The following ZFYVE1 variants were observed in gnomAD, a reference collection of about 807,000 sequenced individuals.
ZFYVE1 encodes zinc finger FYVE-type containing 1.
ZFYVE1 carries 30 observed loss-of-function variants against 74.4 expected under a neutral mutation model. The ratio of observed to expected loss-of-function variants is 0.40; its 90% CI spans 0.30 to 0.55. The LOEUF is 0.55. ZFYVE1 is among the 20% of genes least tolerant of loss of function. The pLI is 0.42. For missense variants in ZFYVE1, 703 were observed against 1,011.6 expected, an observed-to-expected ratio of 0.69 and a Z score of 4.14; for synonymous variants, 335 against 385.1, an observed-to-expected ratio of 0.87 and a Z score of 1.52.
At chr14:73,002,263 A>AGAGGAAGGAGGG (rs1893888898) in intron 2 of ZFYVE1, among the ~76,000 whole-genome samples, 1 of 126,374 alleles carries the variant, frequency 7.9e-6, no homozygotes, top group Non-Finnish European at 1.8e-5. Flanking sequence ...TTGCTAGAGG[A>AGAGGAAGGAGGG]AGGAGGGAGG....
intron 4 of ZFYVE1, 105 bp downstream of exon 4, chr14:72,993,038 C>G (rs1344663170): frequency 8.7e-7 from 1 of 1,151,316 alleles, no homozygotes; most frequent in Non-Finnish European, 1.2e-6. Context: ...TAACCTCTTT[C>G]CACCCAGATT....
chr14:73,014,589 C>A (rs1286556420), intron 2 of ZFYVE1, among the ~76,000 whole-genome samples: 1 of 152,194 alleles, frequency 6.6e-6, no homozygotes, highest in Admixed American at 6.5e-5. Context: ...TAGATATATT[C>A]ATATTCTGAC....
At chr14:73,007,030 A>C in intron 2 of ZFYVE1, among the ~76,000 whole-genome samples, 1 of 151,954 alleles carries the variant, frequency 6.6e-6, no homozygotes, top group East Asian at 1.9e-4. Flanking sequence ...AGAATTCAGA[A>C]TAGTTCATGG....
At chr14:72,982,465 T>C (rs1039968343) in intron 4 of ZFYVE1, among the ~76,000 whole-genome samples, 2 of 151,108 alleles carry the variant, frequency 1.3e-5, no homozygotes, top group Non-Finnish European at 2.9e-5. Flanking sequence ...AAAACAGACA[T>C]TACCCAAAGG....
chr14:72,986,656 G>A (rs186388605), intron 4 of ZFYVE1, among the ~76,000 whole-genome samples: 203 of 150,610 alleles, frequency 1.3e-3, no homozygotes, highest in Admixed American at 0.012. Flanking sequence ...CGCCTCCCAA[G>A]TAGCTGGGAC....
At chr14:73,016,801 G>T (rs1894212213) in intron 2 of ZFYVE1, among the ~76,000 whole-genome samples, 1 of 150,526 alleles carries the variant, frequency 6.6e-6, no homozygotes, top group Admixed American at 6.6e-5. Flanking sequence ...TTGAACCCAG[G>T]AGTCAGAGGC....
chr14:73,014,952 G>A (rs1894159006), intron 2 of ZFYVE1, among the ~76,000 whole-genome samples: 2 of 152,204 alleles, frequency 1.3e-5, no homozygotes, highest in Admixed American at 6.6e-5. Flanking sequence ...TTCCCATACA[G>A]GGCCGGGTGC....
chr14:72,994,525 A>G (rs1893700538), intron 3 of ZFYVE1, among the ~76,000 whole-genome samples: 1 of 152,068 alleles, frequency 6.6e-6, no homozygotes, highest in Non-Finnish European at 1.5e-5. Flanking sequence ...GTGAAAACTC[A>G]TCACATGATA....
At chr14:72,974,259 C>G in intron 10 of ZFYVE1, 66 bp from the exon 11 acceptor site, 1 of 1,454,800 alleles carries the variant, frequency 6.9e-7, no homozygotes, top group Non-Finnish European at 9.6e-7. Flanking sequence ...AACTCAGGGA[C>G]CAATAGCAGA....
chr14:72,971,992 CAGGAGGACCACTCA>C (rs1206919482), intron 11 of ZFYVE1, among the ~76,000 whole-genome samples: 1 of 152,142 alleles, frequency 6.6e-6, no homozygotes, highest in African/African-American at 2.4e-5. Context: ...GAGGCAGAGG[CAGGAGGACCACTCA>C]AGGTCAGGAG....
chr14:72,975,613 C>T lies in ZFYVE1; in HGVS notation c.1744G>A (p.Val582Met), dbSNP rs1893147838. 1 of 1,614,224 alleles carries T rather than the reference C, an allele frequency of 6.2e-7. No homozygotes were observed. The highest frequency in any genetic ancestry group is 8.5e-7 in the Non-Finnish European group (1 of 1,180,046). Residue 582 changes from valine (V) to methionine (M), a missense_variant, in exon 9 of 12, where the codon GTG becomes ATG. By Grantham distance (21) the Val-to-Met change is conservative. Around this residue, in one of 2 missense-constraint regions of ZFYVE1, gnomAD observed 492 missense variants for 790.0 expected, o/e 0.62. Transcript: ENST00000556143. This position sits in a 1 kb window ranked among gnomAD's most constrained non-coding sequence, Gnocchi z 4.1. ...ATCTGGTCTGTCAGCCAGGAAGTCA[C>T]AGCCTTGGTGGGTCCAAGGCTAAGC... The part of the protein sequence containing the change: ...SELSLGPTKA[V>M]TSWLTDQIAP...
chr14:72,995,950 T>A (rs1893733104), intron 3 of ZFYVE1, among the ~76,000 whole-genome samples: 1 of 152,112 alleles, frequency 6.6e-6, no homozygotes, highest in Admixed American at 6.6e-5. Flanking sequence ...TGCCAGGGAA[T>A]CTTTTGAAAA....
Position 72,969,658 on chromosome 14 carries a change from C to CTT in ZFYVE1, c.*1222_*1223dup, listed in dbSNP as rs1363944796. 1 of 698,742 alleles carries CTT rather than the reference C, an allele frequency of 1.4e-6. No individual in the cohort carries two copies. The highest frequency in any genetic ancestry group is 1.8e-5 in the African/African-American group (1 of 56,868). The allele number at this position is 698,742 out of a possible 1,614,324, so 43.3% of individuals were successfully genotyped here. On this transcript the variant is annotated 3_prime_UTR_variant, in exon 12 of 12. Coordinates refer to ENST00000556143, the MANE Select transcript of ZFYVE1 (RefSeq NM_021260.4). ...CCCACCAGTTCAGTTAAGAATTATACTTTAATTCGTGTTTGGCCACTGAAG... is the reference window on the plus strand; with the variant it reads ...CCCACCAGTTCAGTTAAGAATTATACTTTTTAATTCGTGTTTGGCCACTGAAG...
In ZFYVE1 at chr14:72,975,017, G is replaced by T; in HGVS notation, c.1807-58C>A. ...GGTAGGTATGGTACATGTCTGCTCA[G>T]CTGAGAAAGTCAACAAGACCCCGGA... is the stretch of plus-strand genomic sequence containing the variant. On this transcript the variant is annotated intron_variant, in intron 9 of 11. Coordinates refer to ENST00000556143, the MANE Select transcript of ZFYVE1 (RefSeq NM_021260.4). This position sits in a 1 kb window ranked among gnomAD's most constrained non-coding sequence, Gnocchi z 4.1. 7.9e-6 allele frequency: 12 copies of T among 1,522,828 alleles called. No individual in the cohort carries two copies. The highest frequency in any genetic ancestry group is 1.1e-5 in the Non-Finnish European group (12 of 1,126,716). The allele number at this position is 1,522,828 out of a possible 1,614,324, so 94.3% of individuals were successfully genotyped here.
intron 2 of ZFYVE1, among the ~76,000 whole-genome samples, chr14:73,023,406 A>T (rs1894384721): frequency 7.5e-6 from 1 of 133,784 alleles, no homozygotes; most frequent in Non-Finnish European, 1.6e-5. Flanking sequence ...TTTATATATA[A>T]TATATATTTT....
intron 4 of ZFYVE1, among the ~76,000 whole-genome samples, chr14:72,988,749 G>A (rs1470163754): frequency 6.7e-6 from 1 of 148,768 alleles, no homozygotes; most frequent in Admixed American, 6.7e-5. Context: ...AGAGGTTTCA[G>A]TGAGCCAAGT....
At chr14:73,023,904 C>T (rs1438047636) in intron 2 of ZFYVE1, 122 bp downstream of exon 2, 1 of 1,385,272 alleles carries the variant, frequency 7.2e-7, no homozygotes, top group South Asian at 1.4e-5. Flanking sequence ...CTAAAGCCTC[C>T]AGAGGTCTTG....
At position 73,022,647 on chromosome 14, in the gene ZFYVE1, G is replaced by A. The variant is rs1258170203; in HGVS notation, c.483+1379C>T. Among the ~76,000 whole-genome samples the A allele has an allele frequency of 2.0e-5, 3 of 152,172 alleles. No homozygotes were observed. The East Asian group carries it at 5.8e-4, about 29-fold the overall frequency. On this transcript the variant is annotated intron_variant, in intron 2 of 11. Coordinates refer to ENST00000556143, the MANE Select transcript of ZFYVE1 (RefSeq NM_021260.4). ...TGGCTATATAGTGATTGGTAAACAA[G>A]TATGTGAATTCAAGCAAACTTCACT...
At chr14:73,000,112 C>A in intron 2 of ZFYVE1, among the ~76,000 whole-genome samples, 1 of 151,960 alleles carries the variant, frequency 6.6e-6, no homozygotes, top group Non-Finnish European at 1.5e-5. Flanking sequence ...GACTAGTATT[C>A]CAAACATACA....
Sources: gnomAD v4.1 joint callset for allele counts (sites outside exome capture counted in the v4.1 genomes callset) on GRCh38, gnomAD v4.1.1 for gene constraint, gnomAD v4.1.1 regional missense constraint, Gnocchi (gnomAD v3.1) non-coding constraint, MANE v1.5 for transcripts, NCBI Gene and HGNC (gene_info 2026-07-23, HGNC 2026-07-21) for gene names.